Variants in COLEC10 observed in about 807,000 individuals in gnomAD.
COLEC10 encodes collectin-10.
A neutral mutation model predicts 28.4 loss-of-function variants in COLEC10; 22 were observed. The ratio of observed to expected loss-of-function variants is 0.78; its 90% CI spans 0.55 to 1.11. The LOEUF (loss-of-function observed/expected upper bound fraction) is 1.11. Ranked by LOEUF, COLEC10 falls within the 50% of genes least tolerant of loss-of-function variation. The pLI is 0.00. For synonymous variants in COLEC10, 125 were observed against 116.1 expected (o/e 1.08, Z -0.49); for missense variants, 361 against 344.1 (o/e 1.05, Z -0.39).
At chr8:119,105,012 C>G (rs1815909627) in intron 5 of COLEC10, among the ~76,000 whole-genome samples, 1 of 152,164 alleles carries the variant, frequency 6.6e-6, no homozygotes, top group Non-Finnish European at 1.5e-5. Context: ...AACTCAGTAG[C>G]TCAGTCTTCC....
At chr8:119,075,346 A>G (rs1018960194) in intron 1 of COLEC10, among the ~76,000 whole-genome samples, 4 of 152,228 alleles carry the variant, frequency 2.6e-5, no homozygotes, top group African/African-American at 9.6e-5. Flanking sequence ...TGGATGTGCA[A>G]TAGCCTATCA....
intron 2 of COLEC10, among the ~76,000 whole-genome samples, chr8:119,044,211 T>C (rs987037521): frequency 3.9e-5 from 6 of 152,218 alleles, no homozygotes; most frequent in Non-Finnish European, 8.8e-5. Flanking sequence ...TCACCCTAAT[T>C]AACACACACG....
chr8:119,002,255 A>G (rs1020674322), intron 1 of COLEC10, among the ~76,000 whole-genome samples: 1 of 152,162 alleles, frequency 6.6e-6, no homozygotes, highest in African/African-American at 2.4e-5. Flanking sequence ...AGTGTAATAG[A>G]AAAATATTTA....
intron 3 of COLEC10, among the ~76,000 whole-genome samples, chr8:119,097,519 T>C (rs753047692): frequency 2.6e-5 from 4 of 152,122 alleles, no homozygotes; most frequent in Admixed American, 6.6e-5. Context: ...TGACCTACTT[T>C]TAAAATTTAG....
the COLEC10 span, among the ~76,000 whole-genome samples, chr8:118,968,384 A>G: frequency 3.3e-5 from 5 of 151,970 alleles, no homozygotes; most frequent in Non-Finnish European, 7.4e-5. Flanking sequence ...TGGTTATGCA[A>G]TAGACAGGAG....
chr8:119,047,571 T>G (rs1170295677), intron 2 of COLEC10, among the ~76,000 whole-genome samples: 1 of 152,232 alleles, frequency 6.6e-6, no homozygotes, highest in Non-Finnish European at 1.5e-5. Flanking sequence ...AAAATACAAT[T>G]TAGACTTTTC....
At chr8:118,973,516 T>G in the COLEC10 span, among the ~76,000 whole-genome samples, 6 of 152,016 alleles carry the variant, frequency 3.9e-5, no homozygotes, top group Admixed American at 3.9e-4. Context: ...ATTTCTCCAC[T>G]GTGGCTTCTT....
the COLEC10 span, among the ~76,000 whole-genome samples, chr8:118,982,111 G>A: frequency 1.9e-4 from 29 of 152,006 alleles, no homozygotes; most frequent in African/African-American, 5.3e-4. Flanking sequence ...GCAAAATCTG[G>A]GGAAGCAAGT....
At chr8:119,071,184 T>C (rs1411027115) in intron 1 of COLEC10, among the ~76,000 whole-genome samples, 1 of 152,204 alleles carries the variant, frequency 6.6e-6, no homozygotes, top group Non-Finnish European at 1.5e-5. Flanking sequence ...TCTTGGGTAC[T>C]AAAATATGCT....
At chr8:119,105,094 T>A (rs1044428492) in intron 5 of COLEC10, among the ~76,000 whole-genome samples, 3 of 152,164 alleles carry the variant, frequency 2.0e-5, no homozygotes, top group African/African-American at 7.2e-5. Context: ...TTTGGTCCAA[T>A]GTGGACAAAC....
chr8:118,980,895 G>C, the COLEC10 span, among the ~76,000 whole-genome samples: 2 of 151,764 alleles, frequency 1.3e-5, no homozygotes, highest in Admixed American at 6.6e-5. Context: ...TTGTTTGCAG[G>C]GGGGTGGATT....
At chr8:119,103,927 A>T (rs777699350) in intron 5 of COLEC10, 32 bp downstream of exon 5, 2 of 1,346,226 alleles carry the variant, frequency 1.5e-6, no homozygotes, top group Non-Finnish European at 2.1e-6. Context: ...TTATGTATCT[A>T]TTGATAGATC....
chr8:119,093,608 AAAGT>A (rs765463671), intron 3 of COLEC10, among the ~76,000 whole-genome samples: 58 of 152,318 alleles, frequency 3.8e-4, no homozygotes, highest in Non-Finnish European at 7.2e-4. Context: ...TAAAATTTGT[AAAGT>A]AAGACAGATT....
At chr8:119,017,420 G>C (rs1326454848) in intron 2 of COLEC10, among the ~76,000 whole-genome samples, 1 of 152,178 alleles carries the variant, frequency 6.6e-6, no homozygotes, top group Non-Finnish European at 1.5e-5. Context: ...TAGAGAGCCA[G>C]ATAGTAAGTA....
intron 2 of COLEC10, among the ~76,000 whole-genome samples, chr8:119,033,236 A>T (rs1040902741): frequency 6.1e-5 from 6 of 97,926 alleles, no homozygotes; most frequent in African/African-American, 3.1e-4. Flanking sequence ...AGGGCTTTTT[A>T]GTAATTCACT....
At chr8:119,096,733 A>G (rs1337463622) in intron 3 of COLEC10, among the ~76,000 whole-genome samples, 1 of 152,172 alleles carries the variant, frequency 6.6e-6, no homozygotes, top group Non-Finnish European at 1.5e-5. Context: ...AAGAGATTAT[A>G]CAAATCACTA....
At chr8:119,006,747 T>A (rs75242901) in intron 1 of COLEC10, among the ~76,000 whole-genome samples, 2 of 152,092 alleles carry the variant, frequency 1.3e-5, no homozygotes, top group Admixed American at 6.6e-5. Context: ...CATTTTTTTT[T>A]ATCTCCATCA....
At chr8:119,004,152 C>T (rs1813746835) in intron 1 of COLEC10, among the ~76,000 whole-genome samples, 1 of 151,986 alleles carries the variant, frequency 6.6e-6, no homozygotes, top group Non-Finnish European at 1.5e-5. Context: ...TTATTATTTA[C>T]AGAAAAATCT....
the COLEC10 span, among the ~76,000 whole-genome samples, chr8:118,967,544 A>C: frequency 6.6e-6 from 1 of 152,122 alleles, no homozygotes; most frequent in South Asian, 2.1e-4. Context: ...GTAATTTTGG[A>C]ATTAAGTTAT....
Sources: allele counts gnomAD v4.1 joint callset (sites outside exome capture counted in the v4.1 genomes callset), GRCh38; gene constraint gnomAD v4.1.1; transcripts MANE v1.5; gene names NCBI Gene and HGNC (gene_info 2026-07-23, HGNC 2026-07-21).